WDR72: variants seen among roughly 807,000 people sequenced by gnomAD.
The protein encoded by WDR72 is WD repeat-containing protein 72.
WDR72 carries 120 observed loss-of-function variants against 124.2 expected under a neutral mutation model. That is an observed-to-expected ratio of 0.97 (90% CI 0.83 to 1.12). WDR72 has a LOEUF of 1.12. WDR72 is among the 50% of genes most tolerant of loss of function. WDR72 has a pLI of 0.00. For missense variants in WDR72, 1,387 were observed against 1,278.8 expected, an observed-to-expected ratio of 1.08 and a Z score of -1.29; for synonymous variants, 452 against 441.7, an observed-to-expected ratio of 1.02 and a Z score of -0.29.
At chr15:53,733,346 A>G (rs2018258953) in intron 1 of WDR72, among the ~76,000 whole-genome samples, 185 bp from the exon 2 acceptor site, 1 of 152,194 alleles carries the variant, frequency 6.6e-6, no homozygotes, top group African/African-American at 2.4e-5. Context: ...ATTACCATGC[A>G]CACTGCTAAT....
intron 14 of WDR72, among the ~76,000 whole-genome samples, chr15:53,648,977 T>C (rs2015140907): frequency 6.6e-6 from 1 of 152,070 alleles, no homozygotes; most frequent in Admixed American, 6.6e-5. Context: ...CCAGTTATAA[T>C]TTTCAGCAAA....
At chr15:53,538,570 A>G (rs1198650114) in intron 18 of WDR72, among the ~76,000 whole-genome samples, 1 of 152,198 alleles carries the variant, frequency 6.6e-6, no homozygotes, top group Non-Finnish European at 1.5e-5. Context: ...ATATAAAATA[A>G]CATCAAAAAA....
chr15:53,560,861 C>G (rs1271797121), intron 18 of WDR72, among the ~76,000 whole-genome samples: 1 of 151,260 alleles, frequency 6.6e-6, no homozygotes. Context: ...CCCCGGCCCC[C>G]CAAAAAAAAC....
chr15:53,594,771 G>A (rs183629062), intron 18 of WDR72, among the ~76,000 whole-genome samples: 6 of 151,766 alleles, frequency 4.0e-5, no homozygotes, highest in Non-Finnish European at 8.8e-5. Flanking sequence ...CAGACTAGTC[G>A]ACAGAGCCTG....
chr15:53,565,041 T>A (rs1171687323), intron 18 of WDR72, among the ~76,000 whole-genome samples: 1 of 151,728 alleles, frequency 6.6e-6, no homozygotes, highest in African/African-American at 2.4e-5. Flanking sequence ...CTTTGAGGTA[T>A]ACAGGAAAAA....
chr15:53,655,707 GT>G (rs11431452), intron 14 of WDR72, among the ~76,000 whole-genome samples: 29 of 148,900 alleles, frequency 1.9e-4, no homozygotes, highest in African/African-American at 4.9e-4. Flanking sequence ...CATTTTGTAA[GT>G]TTTTTTTTTT....
At chr15:53,517,919 T>A (rs1271849618) in intron 19 of WDR72, among the ~76,000 whole-genome samples, 165 bp from the exon 20 acceptor site, 3 of 152,080 alleles carry the variant, frequency 2.0e-5, no homozygotes, top group Admixed American at 6.6e-5. Context: ...GTATTGCTTA[T>A]AATTTCTACA....
At position 53,702,174 on chromosome 15, in the gene WDR72, C is replaced by T. The variant is rs748269156; in HGVS notation, c.1529G>A (p.Gly510Asp). The change falls in exon 12 of 20, where the codon GGT becomes GAT. Residue 510 changes from glycine to aspartate, a missense_variant. Physicochemically the swap from Gly to Asp is moderately conservative, Grantham distance 94. Coordinates refer to ENST00000360509, the MANE Select transcript of WDR72 (RefSeq NM_182758.4). Reference sequence around the variant, plus strand: ...TGACATCAAAAGACTTGTTACTGGACCAGCTTCCAAAAAGAATTTATGCAA... The same window carrying T: ...TGACATCAAAAGACTTGTTACTGGATCAGCTTCCAAAAAGAATTTATGCAA... Reference protein sequence around the residue: ...EILHKFFLEAGPVTSLLMSPE... With the variant: ...EILHKFFLEADPVTSLLMSPE... The T allele has an allele frequency of 1.2e-6, 2 of 1,613,782 alleles. No individual in the cohort carries two copies. Among genetic ancestry groups the T allele is most frequent in the African/African-American group, 1.3e-5 (1 of 74,894 alleles).
intron 18 of WDR72, among the ~76,000 whole-genome samples, chr15:53,596,127 G>A (rs1280941020): frequency 6.6e-6 from 1 of 151,924 alleles, no homozygotes; most frequent in Non-Finnish European, 1.5e-5. Context: ...TCCTAGTCCT[G>A]AATAAATTAA....
intron 14 of WDR72, among the ~76,000 whole-genome samples, chr15:53,619,813 T>C (rs1373951200): frequency 1.3e-5 from 2 of 152,242 alleles, no homozygotes; most frequent in East Asian, 3.9e-4. Context: ...AGAATTTCTG[T>C]AAATTTCTTG....
chr15:53,693,344 A>T (rs2140507501), intron 13 of WDR72, among the ~76,000 whole-genome samples: 1 of 151,934 alleles, frequency 6.6e-6, no homozygotes, highest in Middle Eastern at 3.4e-3. Flanking sequence ...GGAATTTACC[A>T]CACAATTCTA....
At chr15:53,659,504 C>T (rs1469372344) in intron 14 of WDR72, among the ~76,000 whole-genome samples, 1 of 152,002 alleles carries the variant, frequency 6.6e-6, no homozygotes, top group Non-Finnish European at 1.5e-5. Context: ...CTTCTGGGTG[C>T]GAGGTGGACA....
intron 6 of WDR72, among the ~76,000 whole-genome samples, chr15:53,713,803 A>G (rs2017623872): frequency 6.6e-6 from 1 of 152,158 alleles, no homozygotes; most frequent in South Asian, 2.1e-4. Flanking sequence ...CAAAGTGCCA[A>G]CACACAGCAC....
chr15:53,723,282 A>G (rs1214219235), intron 2 of WDR72, among the ~76,000 whole-genome samples: 1 of 152,230 alleles, frequency 6.6e-6, no homozygotes, highest in Non-Finnish European at 1.5e-5. Context: ...TAACTTCACA[A>G]AATAATACAA....
intron 3 of WDR72, among the ~76,000 whole-genome samples, chr15:53,722,586 C>T (rs1567048828): frequency 6.6e-6 from 1 of 152,146 alleles, no homozygotes; most frequent in East Asian, 1.9e-4. Context: ...GGTCCCAATC[C>T]AGCAACAAGA....
intron 16 of WDR72, among the ~76,000 whole-genome samples, chr15:53,610,267 C>T (rs1432123748): frequency 1.3e-5 from 2 of 151,914 alleles, no homozygotes; most frequent in Non-Finnish European, 2.9e-5. Context: ...ATAGAGTGTC[C>T]AGCAGTTTCC....
intron 19 of WDR72, among the ~76,000 whole-genome samples, chr15:53,518,728 G>A (rs995322012): frequency 1.3e-5 from 2 of 150,120 alleles, no homozygotes; most frequent in Non-Finnish European, 1.5e-5. Flanking sequence ...TCTGTTACCT[G>A]ATTTTTGCTG....
intron 18 of WDR72, 39 bp from the exon 19 acceptor site, chr15:53,523,361 G>C (rs770386594): frequency 1.3e-6 from 2 of 1,517,098 alleles, no homozygotes; most frequent in Non-Finnish European, 1.8e-6. Context: ...AGACAGAAGA[G>C]AGAGGATGAA....
chr15:53,609,003 A>G (rs2013414539), intron 17 of WDR72, among the ~76,000 whole-genome samples: 1 of 152,006 alleles, frequency 6.6e-6, no homozygotes, highest in Admixed American at 6.6e-5. Context: ...AAAGTGTATA[A>G]ATGGATTATT....
Sources: gnomAD v4.1 joint callset for allele counts (sites outside exome capture counted in the v4.1 genomes callset) on GRCh38, gnomAD v4.1.1 for gene constraint, MANE v1.5 for transcripts, NCBI Gene and HGNC (gene_info 2026-07-23, HGNC 2026-07-21) for gene names.